The following PIK3R3 variants were observed in gnomAD, a reference collection of about 807,000 sequenced individuals.
PIK3R3 encodes the protein phosphoinositide-3-kinase regulatory subunit 3, also known as phosphatidylinositol 3-kinase regulatory subunit gamma.
Under a neutral mutation model 62.9 loss-of-function variants are expected in PIK3R3, and 64 were observed. That is an observed-to-expected ratio of 1.02 (90% confidence interval 0.83 to 1.25). The LOEUF (loss-of-function observed/expected upper bound fraction) is 1.25, where lower values mean the gene tolerates loss of function less well. Among genes scored for constraint, PIK3R3 ranks in the 50% most tolerant of loss-of-function variants. The pLI is 0.00. For missense variants in PIK3R3, 614 were observed against 561.6 expected (o/e 1.09, Z -0.94); for synonymous variants, 165 against 189.0 (o/e 0.87, Z 1.04).
chr1:46,173,005 A>G, the PIK3R3 span, among the ~76,000 whole-genome samples: 3 of 152,160 alleles, frequency 2.0e-5, no homozygotes, highest in Non-Finnish European at 4.4e-5. Context: ...AAAAAAAAGA[A>G]AAGAAAAAAG....
the PIK3R3 span, among the ~76,000 whole-genome samples, chr1:46,149,400 C>A: frequency 9.6e-4 from 117 of 121,680 alleles, no homozygotes; most frequent in African/African-American, 3.7e-3. Context: ...CCAGCCTGGG[C>A]GACAGAGCAA....
the PIK3R3 span, among the ~76,000 whole-genome samples, chr1:46,166,160 T>C: frequency 6.6e-6 from 1 of 152,112 alleles, no homozygotes; most frequent in Non-Finnish European, 1.5e-5. Context: ...CTGGTATGCA[T>C]AGGCACTCAA....
chr1:46,140,656 GAT>G, the PIK3R3 span, among the ~76,000 whole-genome samples: 1 of 152,068 alleles, frequency 6.6e-6, no homozygotes, highest in African/African-American at 2.4e-5. Flanking sequence ...AGATTGGAGT[GAT>G]ATATCTATAA....
At chr1:46,113,050 C>T (rs1283118038) in intron 1 of PIK3R3, among the ~76,000 whole-genome samples, 1 of 152,156 alleles carries the variant, frequency 6.6e-6, no homozygotes, top group Non-Finnish European at 1.5e-5. Context: ...TAGCCTTAGG[C>T]TTTCATAACA....
chr1:46,149,545 G>A, the PIK3R3 span, among the ~76,000 whole-genome samples: 1 of 148,850 alleles, frequency 6.7e-6, no homozygotes. Flanking sequence ...TTTTGTTTTT[G>A]TTTCTGTTTG....
chr1:46,117,444 T>G (rs932374120), intron 1 of PIK3R3, among the ~76,000 whole-genome samples: 2 of 151,820 alleles, frequency 1.3e-5, no homozygotes, highest in African/African-American at 2.4e-5. Flanking sequence ...AAAAAAAAAG[T>G]AAATTATAGT....
chr1:46,161,262 A>ATT, the PIK3R3 span, among the ~76,000 whole-genome samples: 5,208 of 139,752 alleles, frequency 0.037, 313 homozygotes, highest in African/African-American at 0.12. Flanking sequence ...TACCTAGCTA[A>ATT]TTTTTTTTTT....
chr1:46,132,900 C>T, upstream of PIK3R3: 1 of 1,190,364 alleles, frequency 8.4e-7, no homozygotes, highest in Non-Finnish European at 1.1e-6. Context: ...GCGCTCTCCC[C>T]CAGCCTCAAT....
chr1:46,070,592 G>A (rs1302887793), intron 3 of PIK3R3, among the ~76,000 whole-genome samples: 2 of 152,318 alleles, frequency 1.3e-5, no homozygotes, highest in Middle Eastern at 3.4e-3. Flanking sequence ...GGTCACTTAA[G>A]GTTAGTGGTC....
chr1:46,106,764 T>C (rs188624270), intron 1 of PIK3R3, among the ~76,000 whole-genome samples: 6 of 152,220 alleles, frequency 3.9e-5, no homozygotes, highest in African/African-American at 1.4e-4. Context: ...TATCCACAGA[T>C]TGATTGCCTT....
At chr1:46,120,804 G>A (rs779870523) in intron 1 of PIK3R3, among the ~76,000 whole-genome samples, 4 of 152,048 alleles carry the variant, frequency 2.6e-5, no homozygotes, top group African/African-American at 7.2e-5. Context: ...ATTGAGAAAC[G>A]TGATTAACCT....
the PIK3R3 span, among the ~76,000 whole-genome samples, chr1:46,170,962 G>T: frequency 2.0e-5 from 3 of 152,184 alleles, no homozygotes; most frequent in Non-Finnish European, 2.9e-5. Flanking sequence ...TACCATGCTG[G>T]AATTCTGTGA....
chr1:46,058,589 G>T (rs1648170967), intron 6 of PIK3R3, among the ~76,000 whole-genome samples: 1 of 152,238 alleles, frequency 6.6e-6, no homozygotes, highest in South Asian at 2.1e-4. Context: ...GTGAGACATG[G>T]AGTCAAAGGA....
At chr1:46,088,529 ATTAT>A (rs1437757277) in intron 1 of PIK3R3, among the ~76,000 whole-genome samples, 3 of 152,146 alleles carry the variant, frequency 2.0e-5, no homozygotes, top group Non-Finnish European at 4.4e-5. Flanking sequence ...ATATATTAAA[ATTAT>A]GCTAGAAAAA....
At chr1:46,132,836 G>A, upstream of PIK3R3, 1 of 1,213,194 alleles carries the variant, frequency 8.2e-7, no homozygotes, top group African/African-American at 1.6e-5. Flanking sequence ...TCTCCATCTC[G>A]ACTTTCACGT....
At chr1:46,095,802 GA>G (rs1452127035) in intron 1 of PIK3R3, among the ~76,000 whole-genome samples, 1 of 152,132 alleles carries the variant, frequency 6.6e-6, no homozygotes, top group Non-Finnish European at 1.5e-5. Flanking sequence ...GTTTCTTCAA[GA>G]TTTCAATTCA....
the PIK3R3 span, among the ~76,000 whole-genome samples, chr1:46,152,224 C>G: frequency 6.6e-6 from 1 of 152,230 alleles, no homozygotes; most frequent in Non-Finnish European, 1.5e-5. Context: ...CCAACTAACA[C>G]TGAGGCTTGA....
intron 6 of PIK3R3, chr1:46,056,834 A>G (rs1429744670): frequency 6.6e-6 from 1 of 152,256 alleles, no homozygotes; most frequent in African/African-American, 2.4e-5. Context: ...AAGTAAAGCT[A>G]TACATTTGAT....
At chr1:46,173,263 G>A in the PIK3R3 span, among the ~76,000 whole-genome samples, 10 of 152,272 alleles carry the variant, frequency 6.6e-5, no homozygotes, top group South Asian at 1.0e-3. Context: ...CATCGCAAAC[G>A]GAGCCCCTGT....
Sources: gnomAD v4.1 joint callset for allele counts (sites outside exome capture counted in the v4.1 genomes callset) on GRCh38, gnomAD v4.1.1 for gene constraint, MANE v1.5 for transcripts, NCBI Gene and HGNC (gene_info 2026-07-23, HGNC 2026-07-21) for gene names.